Variants in CTNNA3 observed in about 807,000 individuals in gnomAD.
CTNNA3 encodes the protein catenin alpha-3.
In CTNNA3, 76 loss-of-function variants were observed where a neutral mutation model predicts 95.7. The observed-to-expected ratio is 0.79, with a 90% CI of 0.66 to 0.96. The LOEUF (loss-of-function observed/expected upper bound fraction) is 0.96. Among genes scored for constraint, CTNNA3 ranks in the 40% least tolerant of loss-of-function variants. The pLI, the probability that CTNNA3 is intolerant of heterozygous loss-of-function variation, is 0.00. For missense variants in CTNNA3, 1,191 were observed against 1,089.8 expected, an observed-to-expected ratio of 1.09 and a Z score of -1.31; for synonymous variants, 431 against 374.4, an observed-to-expected ratio of 1.15 and a Z score of -1.74.
intron 9 of CTNNA3, among the ~76,000 whole-genome samples, chr10:66,658,148 T>C (rs1846132065): frequency 6.6e-6 from 1 of 152,136 alleles, no homozygotes; most frequent in Non-Finnish European, 1.5e-5. Flanking sequence ...TCTAGTACTC[T>C]AGTAACTTGT....
intron 7 of CTNNA3, among the ~76,000 whole-genome samples, chr10:66,893,031 T>C (rs1407141896): frequency 1.3e-5 from 2 of 152,120 alleles, no homozygotes. Flanking sequence ...TGTTTAGTTG[T>C]CTCTTTGAGA....
At chr10:66,098,299 C>T (rs1484659978) in intron 14 of CTNNA3, among the ~76,000 whole-genome samples, 1 of 152,098 alleles carries the variant, frequency 6.6e-6, no homozygotes, top group Non-Finnish European at 1.5e-5. Context: ...TACAAGTGTG[C>T]TGTACTGGAA....
intron 7 of CTNNA3, among the ~76,000 whole-genome samples, chr10:66,915,780 C>T (rs933977764): frequency 8.8e-5 from 13 of 148,558 alleles, no homozygotes; most frequent in African/African-American, 3.0e-4. Flanking sequence ...GATGGAGCCT[C>T]GCTCTGTAGC....
At chr10:66,673,154 C>G (rs1462816694) in intron 9 of CTNNA3, among the ~76,000 whole-genome samples, 1 of 151,962 alleles carries the variant, frequency 6.6e-6, no homozygotes, top group Non-Finnish European at 1.5e-5. Context: ...CATTAAATGT[C>G]CACAGCTGAT....
chr10:67,458,632 G>A (rs180685179), intron 5 of CTNNA3, among the ~76,000 whole-genome samples: 35 of 152,054 alleles, frequency 2.3e-4, no homozygotes, highest in African/African-American at 7.5e-4. Flanking sequence ...TAATCCCAGC[G>A]CTTTGGAAGG....
At chr10:67,074,277 G>T (rs147296772) in intron 7 of CTNNA3, among the ~76,000 whole-genome samples, 1 of 146,704 alleles carries the variant, frequency 6.8e-6, no homozygotes, top group African/African-American at 2.5e-5. Flanking sequence ...TGATCTGCCC[G>T]CCTTGGCCCC....
chr10:67,204,377 C>CCT (rs760115432), intron 6 of CTNNA3, among the ~76,000 whole-genome samples: 1 of 151,738 alleles, frequency 6.6e-6, no homozygotes, highest in Admixed American at 6.6e-5. Flanking sequence ...CACCTCCCCC[C>CCT]CTCTCTCTTC....
chr10:65,991,180 AG>A (rs1288707835), intron 15 of CTNNA3, among the ~76,000 whole-genome samples: 3 of 152,164 alleles, frequency 2.0e-5, no homozygotes, highest in Admixed American at 6.5e-5. Flanking sequence ...GAAGCCAGGT[AG>A]TATGATGTGT....
At chr10:67,587,425 T>A (rs1045875794) in intron 3 of CTNNA3, among the ~76,000 whole-genome samples, 1 of 152,076 alleles carries the variant, frequency 6.6e-6, no homozygotes, top group Admixed American at 6.6e-5. Context: ...TCTCTTAGCA[T>A]CTGCTTGTCT....
At chr10:67,226,000 T>C (rs897422944) in intron 5 of CTNNA3, among the ~76,000 whole-genome samples, 1 of 152,076 alleles carries the variant, frequency 6.6e-6, no homozygotes, top group African/African-American at 2.4e-5. Flanking sequence ...GGGAGAAATA[T>C]TCAAGGAGAT....
intron 13 of CTNNA3, among the ~76,000 whole-genome samples, chr10:66,210,041 T>C (rs928753456): frequency 2.0e-5 from 3 of 151,962 alleles, no homozygotes; most frequent in African/African-American, 7.2e-5. Context: ...AGTAAATATA[T>C]TGCTGAACAA....
chr10:65,981,479 C>G (rs2078318311), intron 16 of CTNNA3, among the ~76,000 whole-genome samples: 1 of 151,814 alleles, frequency 6.6e-6, no homozygotes, highest in Non-Finnish European at 1.5e-5. Context: ...TCATTGTTTA[C>G]AGAGTTAGAA....
intron 8 of CTNNA3, among the ~76,000 whole-genome samples, chr10:66,773,955 G>A (rs771564436): frequency 8.6e-5 from 13 of 151,960 alleles, no homozygotes; most frequent in Non-Finnish European, 4.4e-5. Flanking sequence ...ACAATATTTG[G>A]GACATAATTA....
At chr10:66,614,452 C>A (rs1194064066) in intron 10 of CTNNA3, among the ~76,000 whole-genome samples, 1 of 151,900 alleles carries the variant, frequency 6.6e-6, no homozygotes, top group Non-Finnish European at 1.5e-5. Flanking sequence ...GCTTTCCATG[C>A]TAAAATATGA....
chr10:66,222,653 A>C (rs1249235743), intron 13 of CTNNA3, among the ~76,000 whole-genome samples: 1 of 147,596 alleles, frequency 6.8e-6, no homozygotes, highest in Non-Finnish European at 1.5e-5. Context: ...AAAAGAGAGG[A>C]AGAGAGTAAG....
chr10:66,132,693 A>G (rs973427125), intron 13 of CTNNA3, among the ~76,000 whole-genome samples: 4 of 152,258 alleles, frequency 2.6e-5, no homozygotes, highest in Admixed American at 6.5e-5. Flanking sequence ...TGCAGTACAT[A>G]TACACCATGG....
chr10:66,271,117 C>T (rs2091272326), intron 13 of CTNNA3, among the ~76,000 whole-genome samples: 1 of 152,080 alleles, frequency 6.6e-6, no homozygotes, highest in Non-Finnish European at 1.5e-5. Flanking sequence ...ACTTTCCCTA[C>T]CAGTATAGGA....
chr10:66,277,289 G>T (rs1045566423), intron 13 of CTNNA3, among the ~76,000 whole-genome samples: 23 of 152,068 alleles, frequency 1.5e-4, no homozygotes, highest in African/African-American at 5.6e-4. Flanking sequence ...GCACTGAAGA[G>T]TATTCATAAA....
chr10:66,954,012 A>C (rs935273630), intron 7 of CTNNA3, among the ~76,000 whole-genome samples: 2 of 152,228 alleles, frequency 1.3e-5, no homozygotes, highest in Non-Finnish European at 2.9e-5. Flanking sequence ...GCTGGTGCAT[A>C]GTAAGTGCTC....
Sources: gnomAD v4.1 joint callset for allele counts (sites outside exome capture counted in the v4.1 genomes callset) on GRCh38, gnomAD v4.1.1 for gene constraint, MANE v1.5 for transcripts, NCBI Gene and HGNC (gene_info 2026-07-23, HGNC 2026-07-21) for gene names.